Variants in PCDHGB1 observed in about 807,000 individuals in gnomAD.
PCDHGB1 encodes protocadherin gamma-B1.
PCDHGB1 carries 34 observed loss-of-function variants against 56.6 expected under a neutral mutation model. That is an observed-to-expected ratio of 0.60 (90% CI 0.46 to 0.80). PCDHGB1 has a LOEUF of 0.80. Among genes scored for constraint, PCDHGB1 ranks in the 30% least tolerant of loss-of-function variants. PCDHGB1 has a pLI of 0.00. For synonymous variants in PCDHGB1, 561 were observed against 505.9 expected, an observed-to-expected ratio of 1.11 and a Z score of -1.46; for missense variants, 1,278 against 1,204.6, an observed-to-expected ratio of 1.06 and a Z score of -0.90.
chr5:141,507,872 C>T (rs2099864458), intron 3 of PCDHGB1, among the ~76,000 whole-genome samples: 1 of 152,168 alleles, frequency 6.6e-6, no homozygotes, highest in African/African-American at 2.4e-5. Flanking sequence ...GCTTCCTAGC[C>T]CTGAAACCAG....
chr5:141,400,221 C>G (rs377228541), intron 1 of PCDHGB1: 1 of 1,614,060 alleles, frequency 6.2e-7, no homozygotes, highest in Non-Finnish European at 8.5e-7. Flanking sequence ...TCTCAGTGCT[C>G]TTCCTCCTGG....
At position 141,431,052 on chromosome 5, in the gene PCDHGB1, G is replaced by T. The variant is rs148326556; in HGVS notation, c.2410-63755G>T. 7.4e-6 allele frequency: 12 copies of T among 1,614,110 alleles called. No homozygotes were observed. The African/African-American group carries it at 1.6e-4, about 22-fold the overall frequency. On this transcript the variant is annotated intron_variant, in intron 1 of 3. Coordinates refer to ENST00000523390, the MANE Select transcript of PCDHGB1 (RefSeq NM_018922.3). The surrounding 1 kb of genome is among the most constrained non-coding windows in gnomAD (Gnocchi z 4.8). ...ATAGACCGGGAGGAGCTCTGTATGG[G>T]GGCCATCAAGTGTCAATTAAATCTA...
chr5:141,432,088 AGACACCAAC>A lies in PCDHGB1; in HGVS notation c.2410-62714_2410-62706del, dbSNP rs1561857611. 6.2e-7 allele frequency: 1 copy of A among 1,614,148 alleles called. No individual in the cohort carries two copies. Among genetic ancestry groups the A allele is most frequent in the Admixed American group, 1.7e-5 (1 of 60,024 alleles). ...AAACTCATATCTCGCTGAACGTGGC[AGACACCAAC>A]GACAACCCGCCGGTCTTCCCTCAGG... is the stretch of plus-strand genomic sequence containing the variant. On this transcript the variant is annotated intron_variant, in intron 1 of 3. Transcript: ENST00000523390. This position sits in a 1 kb window ranked among gnomAD's most constrained non-coding sequence, Gnocchi z 6.0.
intron 1 of PCDHGB1, among the ~76,000 whole-genome samples, chr5:141,444,771 T>C (rs987549188): frequency 6.6e-6 from 1 of 152,246 alleles, no homozygotes; most frequent in African/African-American, 2.4e-5. Context: ...TTCTATATTC[T>C]TGATCATGTT....
chr5:141,427,766 G>A lies in PCDHGB1; in HGVS notation c.2410-67041G>A, dbSNP rs549550151. The A allele has an allele frequency of 1.1e-4, 152 of 1,386,456 alleles. No homozygotes were observed. In the African/African-American group the frequency reaches 1.8e-3, roughly 17 times the overall value. The allele number at this position is 1,386,456 out of a possible 1,614,324, so 85.9% of individuals were successfully genotyped here. ...CCTACTCCATCGTTACCACTGACTT[G>A]GAGCTGCGGGCACTGTCGTCCTACG... On this transcript the variant is annotated intron_variant, in intron 1 of 3. Transcript: ENST00000523390.
chr5:141,485,070 G>A lies in PCDHGB1; in HGVS notation c.2410-9737G>A. On this transcript the variant is annotated intron_variant, in intron 1 of 3. Coordinates refer to ENST00000523390, the MANE Select transcript of PCDHGB1 (RefSeq NM_018922.3). The surrounding 1 kb of genome is among the most constrained non-coding windows in gnomAD (Gnocchi z 5.7). ...CGCCGGCCGAACCGCGCCAGAGCTG[G>A]CGCGGGGAAAGGGAGATAGGTGTCT... is the stretch of plus-strand genomic sequence containing the variant. The A allele has an allele frequency of 1.1e-6, 1 of 908,406 alleles. No individual in the cohort carries two copies. Among genetic ancestry groups the A allele is most frequent in the Non-Finnish European group, 1.7e-6 (1 of 580,008 alleles). 56.3% of individuals were successfully genotyped at this position (908,406 alleles called of 1,614,324 possible). A position where few individuals can be genotyped will look rare whatever the true frequency, so the allele number is the denominator to read the frequency against.
At chr5:141,356,230 G>C (rs551700676) in intron 1 of PCDHGB1, 17 of 1,592,426 alleles carry the variant, frequency 1.1e-5, no homozygotes, top group Non-Finnish European at 1.5e-5. Flanking sequence ...AAATGACAAC[G>C]CACCAGAAGT....
intron 1 of PCDHGB1, chr5:141,419,742 T>C (rs1388509503): frequency 2.5e-5 from 41 of 1,613,742 alleles, no homozygotes; most frequent in Non-Finnish European, 3.5e-5. Context: ...GAGGTGCGCA[T>C]GGTGCGTGCT....
At chr5:141,392,649 C>T in intron 1 of PCDHGB1, 1 of 703,200 alleles carries the variant, frequency 1.4e-6, no homozygotes, top group South Asian at 2.2e-5. Flanking sequence ...CACGAAGACC[C>T]GCAGATGCCA....
intron 1 of PCDHGB1, chr5:141,366,852 A>T (rs1764825347): frequency 7.0e-7 from 1 of 1,434,404 alleles, no homozygotes; most frequent in Non-Finnish European, 9.4e-7. Context: ...TAAATAGTGG[A>T]ACATTATTTG....
chr5:141,422,969 G>C (rs1269760845), intron 1 of PCDHGB1: 2 of 1,614,202 alleles, frequency 1.2e-6, no homozygotes, highest in South Asian at 2.2e-5. Flanking sequence ...CTGGCGCCCC[G>C]CTCTGCGGAA....
chr5:141,404,497 T>C, intron 1 of PCDHGB1: 1 of 1,613,930 alleles, frequency 6.2e-7, no homozygotes, highest in Non-Finnish European at 8.5e-7. Context: ...GTGTGCTGTA[T>C]GCTCTGTGCT....
rs1029546280 is a variant in PCDHGB1 at position 141,423,551 on chromosome 5, A to G, written c.2409+70882A>G. On this transcript the variant is annotated intron_variant, in intron 1 of 3. Coordinates refer to ENST00000523390, the MANE Select transcript of PCDHGB1 (RefSeq NM_018922.3). ...AGTCACCTGATTTTCCCCCAGCCCA[A>G]CTATGGGGACACGCTCATCAGCCAG... The G allele has an allele frequency of 2.5e-6, 4 of 1,613,498 alleles. No individual in the cohort carries two copies. The African/African-American group carries it at 5.3e-5, about 22-fold the overall frequency.
chr5:141,366,774 G>A, intron 1 of PCDHGB1: 1 of 1,595,562 alleles, frequency 6.3e-7, no homozygotes, highest in East Asian at 2.2e-5. Context: ...TTTCGGTAAG[G>A]ATGACCAGAA....
At chr5:141,372,616 C>T (rs1289157345) in intron 1 of PCDHGB1, 1 of 1,613,978 alleles carries the variant, frequency 6.2e-7, no homozygotes, top group African/African-American at 1.3e-5. Flanking sequence ...GGAGTTCTCC[C>T]CACCTACAGC....
chr5:141,366,386 G>C, intron 1 of PCDHGB1: 1 of 1,614,164 alleles, frequency 6.2e-7, no homozygotes, highest in South Asian at 1.1e-5. Flanking sequence ...TGACCCTGAG[G>C]ATCTGGACCT....
intron 1 of PCDHGB1, chr5:141,370,851 G>C (rs903944197): frequency 6.2e-7 from 1 of 1,614,018 alleles, no homozygotes; most frequent in South Asian, 1.1e-5. Context: ...AGCCACATTT[G>C]CCCTGGAATC....
intron 1 of PCDHGB1, among the ~76,000 whole-genome samples, chr5:141,433,995 CT>C (rs2097669147): frequency 2.6e-5 from 4 of 152,028 alleles, no homozygotes; most frequent in Admixed American, 2.0e-4. Flanking sequence ...GTTTTATATT[CT>C]CTATATATGT....
rs756144117 is a variant in PCDHGB1, at chr5:141,485,181, G to A, written c.2410-9626G>A. On this transcript the variant is annotated intron_variant, in intron 1 of 3. Transcript: ENST00000523390. This position sits in a 1 kb window ranked among gnomAD's most constrained non-coding sequence, Gnocchi z 5.7. ...AATTAGCGGGCGGCAGCAATGCTCC[G>A]CAAGGTGAGAAGCTGGACAGAAATC... 3.1e-6 allele frequency: 5 copies of A among 1,612,942 alleles called. No individual in the cohort carries two copies. The South Asian group carries it at 4.4e-5, about 14-fold the overall frequency.
Sources: allele counts gnomAD v4.1 joint callset (sites outside exome capture counted in the v4.1 genomes callset), GRCh38; gene constraint gnomAD v4.1.1; non-coding constraint Gnocchi (gnomAD v3.1); transcripts MANE v1.5; gene names NCBI Gene and HGNC (gene_info 2026-07-23, HGNC 2026-07-21).